Variants in MARK3 observed in about 807,000 individuals in gnomAD.
MARK3 encodes the protein MAP/microtubule affinity-regulating kinase 3.
A neutral mutation model predicts 90.1 loss-of-function variants in MARK3; 46 were observed. The ratio of observed to expected loss-of-function variants is 0.51; its 90% confidence interval spans 0.40 to 0.65. The LOEUF is 0.65. Among genes scored for constraint, MARK3 ranks in the 30% least tolerant of loss-of-function variants. The pLI, the probability that MARK3 is intolerant of heterozygous loss-of-function variation, is 0.00. For synonymous variants in MARK3, 321 were observed against 332.6 expected (o/e 0.97, Z 0.38); for missense variants, 818 against 947.2 (o/e 0.86, Z 1.79).
chr14:103,470,658 A>G lies in MARK3; in HGVS notation c.1264+2472A>G, dbSNP rs141060190. Reference sequence around the variant, plus strand: ...TTTAGTAGAGACGGGGTTTCACCACATTTGGCCAGGCTGGTCCCGAACTCC... The same window carrying G: ...TTTAGTAGAGACGGGGTTTCACCACGTTTGGCCAGGCTGGTCCCGAACTCC... On this transcript the variant is annotated intron_variant, in intron 12 of 17. Transcript: ENST00000429436. 1.4e-3 allele frequency among the ~76,000 whole-genome samples: 216 copies of G among 151,402 alleles called. 1 individual carries two copies. Among genetic ancestry groups the G allele is most frequent in the African/African-American group, 5.1e-3 (209 of 41,310 alleles).
At chr14:103,491,512 G>A in intron 14 of MARK3, 1 of 400,734 alleles carries the variant, frequency 2.5e-6, no homozygotes, top group Non-Finnish European at 4.5e-6. Flanking sequence ...GCTGTTCTCT[G>A]TCCTAGAATT....
At chr14:103,457,067 G>A in intron 5 of MARK3, 75 bp from the exon 6 acceptor site, 1 of 889,118 alleles carries the variant, frequency 1.1e-6, no homozygotes, top group Non-Finnish European at 1.8e-6. Context: ...ATTGCTAAAA[G>A]TGAAACATCA....
chr14:103,441,634 A>C (rs775246906), intron 3 of MARK3: 1 of 152,110 alleles, frequency 6.6e-6, no homozygotes, highest in African/African-American at 2.4e-5. Context: ...GGTCATAAAC[A>C]TATTTTTCTC....
intron 13 of MARK3, among the ~76,000 whole-genome samples, chr14:103,479,931 C>T (rs2093788947): frequency 6.6e-6 from 1 of 152,064 alleles, no homozygotes; most frequent in Non-Finnish European, 1.5e-5. Flanking sequence ...TGAGCTACCG[C>T]GCCCAGCCGT....
intron 1 of MARK3, among the ~76,000 whole-genome samples, chr14:103,399,929 C>G (rs1262652561): frequency 6.1e-5 from 3 of 49,362 alleles, no homozygotes; most frequent in Non-Finnish European, 7.6e-5. Flanking sequence ...TCCTTACCCC[C>G]CCACCCTCCT....
At chr14:103,501,148 A>C (rs2075641032) in intron 17 of MARK3, among the ~76,000 whole-genome samples, 1 of 151,956 alleles carries the variant, frequency 6.6e-6, no homozygotes, top group South Asian at 2.1e-4. Flanking sequence ...ACCTTCAGTG[A>C]CCTCCACTAT....
rs190319651 is a variant in MARK3, at chr14:103,405,788, G to A, written c.243+521G>A. Among the ~76,000 whole-genome samples, 21 of 140,234 alleles carry A rather than the reference G, an allele frequency of 1.5e-4. No homozygotes were observed. The South Asian group carries it at 4.1e-3, about 27-fold the overall frequency. 92.0% of individuals were successfully genotyped at this position (140,234 alleles called of 152,430 possible). A position where few individuals can be genotyped will look rare whatever the true frequency, so the allele number is the denominator to read the frequency against. The stretch of plus-strand genomic sequence containing the variant: ...TGTATTTTTGTATTTTTGTAGAGAC[G>A]GGGTTTCACCATGTTGGTCAGGCTG... On this transcript the variant is annotated intron_variant, in intron 2 of 17. Transcript: ENST00000429436.
intron 6 of MARK3, among the ~76,000 whole-genome samples, chr14:103,461,461 T>C (rs142847166): frequency 3.7e-4 from 56 of 152,348 alleles, no homozygotes; most frequent in African/African-American, 1.3e-3. Context: ...GCATACTATT[T>C]ACTGAAAGTG....
At chr14:103,463,801 A>G (rs1384442770) in intron 7 of MARK3, among the ~76,000 whole-genome samples, 1 of 151,964 alleles carries the variant, frequency 6.6e-6, no homozygotes, top group African/African-American at 2.4e-5. Context: ...TGCTTGAACA[A>G]CTCTTCATTG....
chr14:103,497,083 G>A (rs7147664), intron 15 of MARK3, among the ~76,000 whole-genome samples: 94,855 of 151,936 alleles, frequency 0.62, 30,727 homozygotes, highest in Middle Eastern at 0.76. Flanking sequence ...ATTAGGAAAC[G>A]AAAATATATC....
intron 17 of MARK3, among the ~76,000 whole-genome samples, 176 bp downstream of exon 17, chr14:103,500,376 T>C (rs1308068980): frequency 2.6e-5 from 4 of 152,216 alleles, no homozygotes; most frequent in Non-Finnish European, 5.9e-5. Flanking sequence ...CAGATCCAGC[T>C]TGGCCTCCGC....
At position 103,426,269 on chromosome 14, in the gene MARK3, CT is replaced by C. The variant is rs61014395; in HGVS notation, c.244-2098del. ...TTATTTTGAAATCAATTGTTAAATA[CT>C]TTTTTTTTTTTTTTTTTTTACAGTT... is the stretch of plus-strand genomic sequence containing the variant. On this transcript the variant is annotated intron_variant, in intron 2 of 17. Coordinates refer to ENST00000429436, the MANE Select transcript of MARK3 (RefSeq NM_001128918.3). Among the ~76,000 whole-genome samples, 428 of 143,934 alleles carry C rather than the reference CT, an allele frequency of 3.0e-3. 2 individuals carry two copies. The highest frequency in any genetic ancestry group is 0.01 in the African/African-American group (390 of 38,786). 94.4% of individuals were successfully genotyped at this position (143,934 alleles called of 152,430 possible).
chr14:103,419,064 G>A (rs1464781619), intron 2 of MARK3, among the ~76,000 whole-genome samples: 2 of 152,090 alleles, frequency 1.3e-5, no homozygotes. Flanking sequence ...TGAGGCGGGC[G>A]GATCACGAGG....
chr14:103,465,421 TAGAA>T (rs936981005), intron 7 of MARK3, 132 bp from the exon 8 acceptor site: 2 of 626,900 alleles, frequency 3.2e-6, no homozygotes, highest in African/African-American at 3.7e-5. Flanking sequence ...TTTTTTTCTC[TAGAA>T]AGAATGTTTT....
Position 103,452,086 on chromosome 14 carries a change from G to A in MARK3, c.412+103G>A, listed in dbSNP as rs936856273. 1.8e-5 allele frequency: 13 copies of A among 732,348 alleles called. No homozygotes were observed. In the South Asian group the frequency reaches 2.2e-4, roughly 12 times the overall value. 45.4% of individuals were successfully genotyped at this position (732,348 alleles called of 1,614,324 possible). A position where few individuals can be genotyped will look rare whatever the true frequency, so the allele number is the denominator to read the frequency against. On this transcript the variant is annotated intron_variant, in intron 5 of 17. Transcript: ENST00000429436. Reference sequence around the variant, plus strand: ...GGTCATCATTAAGGTCTCATTTAACGTCCAGAGCCATAATACGCTAGGATG... The same window carrying A: ...GGTCATCATTAAGGTCTCATTTAACATCCAGAGCCATAATACGCTAGGATG...
chr14:103,492,521 T>G (rs762066056), intron 15 of MARK3, among the ~76,000 whole-genome samples: 5 of 152,228 alleles, frequency 3.3e-5, no homozygotes, highest in Non-Finnish European at 5.9e-5. Context: ...AGTTTCTCTC[T>G]CAGTCTTAGT....
At chr14:103,501,297 G>A (rs562651489) in intron 17 of MARK3, among the ~76,000 whole-genome samples, 13 of 152,294 alleles carry the variant, frequency 8.5e-5, no homozygotes, top group African/African-American at 3.1e-4. Flanking sequence ...ACCCATCCCA[G>A]CCAGGAGCAG....
intron 3 of MARK3, among the ~76,000 whole-genome samples, chr14:103,431,583 CA>C (rs200915002): frequency 6.7e-6 from 1 of 149,690 alleles, no homozygotes; most frequent in Non-Finnish European, 1.5e-5. Context: ...GACTTTGTCT[CA>C]AAAAAAAACA....
In MARK3 at chr14:103,432,003, T is replaced by C. The variant is rs2092598620; in HGVS notation, c.297+3563T>C. ...CCCCCTCCCACCTGAATTTGTTTGA[T>C]TCCTGCTAAAATTCATTTAATTGAT... On this transcript the variant is annotated intron_variant, in intron 3 of 17. Coordinates refer to ENST00000429436, the MANE Select transcript of MARK3 (RefSeq NM_001128918.3). 2.0e-5 allele frequency among the ~76,000 whole-genome samples: 3 copies of C among 151,182 alleles called. No individual in the cohort carries two copies. The South Asian group carries it at 6.4e-4, about 32-fold the overall frequency.
Sources: gnomAD v4.1 joint callset for allele counts (sites outside exome capture counted in the v4.1 genomes callset) on GRCh38, gnomAD v4.1.1 for gene constraint, MANE v1.5 for transcripts, NCBI Gene and HGNC (gene_info 2026-07-23, HGNC 2026-07-21) for gene names.